ALG5: variants seen among roughly 807,000 people sequenced by gnomAD.
ALG5 encodes the protein ALG5 dolichyl-phosphate beta-glucosyltransferase.
ALG5 carries 26 observed loss-of-function variants against 51.8 expected under a neutral mutation model. That is an observed-to-expected ratio of 0.50 (90% CI 0.37 to 0.70). ALG5 has a LOEUF of 0.70. Ranked by LOEUF, ALG5 falls within the 30% of genes least tolerant of loss-of-function variation. The pLI is 0.00. For missense variants in ALG5, 311 were observed against 399.3 expected (o/e 0.78, Z 1.88); for synonymous variants, 141 against 136.1 (o/e 1.04, Z -0.25).
intron 6 of ALG5, among the ~76,000 whole-genome samples, chr13:36,976,604 C>T (rs575786094): frequency 4.6e-5 from 7 of 151,926 alleles, no homozygotes; most frequent in South Asian, 2.1e-4. Context: ...ATAAATTAGC[C>T]GGCTGTGGTT....
chr13:36,971,125 C>G (rs971432544), intron 7 of ALG5, among the ~76,000 whole-genome samples: 2 of 152,200 alleles, frequency 1.3e-5, no homozygotes, highest in Middle Eastern at 3.4e-3. Context: ...GAAATTGTTA[C>G]TCTAGTTTTT....
chr13:36,954,752 T>A (rs2138778817), intron 8 of ALG5, among the ~76,000 whole-genome samples: 1 of 152,256 alleles, frequency 6.6e-6, no homozygotes, highest in South Asian at 2.1e-4. Context: ...CTTTTCTTAC[T>A]CAGTTCCTGG....
At chr13:36,967,113 C>T (rs528624095) in intron 7 of ALG5, among the ~76,000 whole-genome samples, 2 of 151,498 alleles carry the variant, frequency 1.3e-5, no homozygotes, top group East Asian at 3.9e-4. Context: ...GTCCCAGCTA[C>T]TTAGGAGGCT....
chr13:36,979,446 T>A (rs1176090411), intron 6 of ALG5, among the ~76,000 whole-genome samples: 3 of 152,140 alleles, frequency 2.0e-5, no homozygotes, highest in Admixed American at 6.5e-5. Context: ...CTTGCTCACA[T>A]GGTCCACAAA....
At chr13:36,998,957 A>T in intron 1 of ALG5, 1 of 328,804 alleles carries the variant, frequency 3.0e-6, no homozygotes, top group Non-Finnish European at 5.5e-6. Context: ...GGGGCGATGG[A>T]AGCGGCGATG....
intron 5 of ALG5, among the ~76,000 whole-genome samples, chr13:36,987,798 T>G (rs1358679586): frequency 2.0e-5 from 3 of 152,220 alleles, no homozygotes; most frequent in Non-Finnish European, 2.9e-5. Context: ...CCCCTCATTT[T>G]CTTCTCTTCT....
chr13:36,994,793 C>G (rs1427488073), intron 3 of ALG5, among the ~76,000 whole-genome samples, 196 bp downstream of exon 3: 1 of 151,818 alleles, frequency 6.6e-6, no homozygotes, highest in Non-Finnish European at 1.5e-5. Context: ...CTGGTTTGTC[C>G]TGGGTCAACG....
intron 8 of ALG5, among the ~76,000 whole-genome samples, chr13:36,959,004 A>G (rs1283833890): frequency 5.9e-5 from 9 of 152,208 alleles, no homozygotes; most frequent in Non-Finnish European, 1.3e-4. Flanking sequence ...TAAAAAAAAA[A>G]AGAAATATTA....
chr13:36,956,360 A>C lies in ALG5; in HGVS notation c.774-3761T>G, dbSNP rs543477313. 2.6e-4 allele frequency among the ~76,000 whole-genome samples: 39 copies of C among 152,288 alleles called. 1 individual carries two copies. Among genetic ancestry groups the C allele is most frequent in the African/African-American group, 9.4e-4 (39 of 41,570 alleles). On this transcript the variant is annotated intron_variant, in intron 8 of 9. Coordinates refer to ENST00000239891, the MANE Select transcript of ALG5 (RefSeq NM_013338.5). ...TGGTGAGGAGGTGGAGAAGTGGGAA[A>C]CCTTGTACACTGTTGGTGAGAATGT...
intron 6 of ALG5, among the ~76,000 whole-genome samples, chr13:36,973,704 AT>A (rs2058936943): frequency 6.6e-6 from 1 of 152,224 alleles, no homozygotes; most frequent in Non-Finnish European, 1.5e-5. Context: ...CAAAAGGTTA[AT>A]TTCCAAAAAG....
intron 4 of ALG5, among the ~76,000 whole-genome samples, chr13:36,991,117 C>T (rs2059023513): frequency 6.6e-6 from 1 of 152,156 alleles, no homozygotes; most frequent in Non-Finnish European, 1.5e-5. Context: ...GAGGCTGCCC[C>T]ATTAGTACCG....
chr13:36,952,302 T>C (rs1397839759), intron 9 of ALG5, among the ~76,000 whole-genome samples: 1 of 152,216 alleles, frequency 6.6e-6, no homozygotes, highest in African/African-American at 2.4e-5. Context: ...GTAGGCCTAC[T>C]GAAGGCCCCA....
intron 6 of ALG5, 68 bp downstream of exon 6, chr13:36,985,559 C>A: frequency 7.7e-7 from 1 of 1,295,700 alleles, no homozygotes; most frequent in Non-Finnish European, 1.1e-6. Context: ...GTAAACTCTC[C>A]TTTAACTTTA....
chr13:36,982,438 T>C (rs2058984239), intron 6 of ALG5, among the ~76,000 whole-genome samples: 1 of 152,214 alleles, frequency 6.6e-6, no homozygotes, highest in Admixed American at 6.5e-5. Flanking sequence ...CAGCAAACTA[T>C]AGCCTGTAGC....
chr13:36,975,760 C>T (rs937191315), intron 6 of ALG5, among the ~76,000 whole-genome samples: 9 of 152,008 alleles, frequency 5.9e-5, no homozygotes, highest in Non-Finnish European at 1.3e-4. Flanking sequence ...AGGTTCTTTA[C>T]CTGTAATCCA....
chr13:36,954,226 C>A (rs996412789), intron 8 of ALG5, among the ~76,000 whole-genome samples: 6 of 151,504 alleles, frequency 4.0e-5, no homozygotes, highest in African/African-American at 1.5e-4. Context: ...CATCTGGGAG[C>A]ATAGGCCCAG....
chr13:36,988,217 C>A (rs2059010654), intron 5 of ALG5, among the ~76,000 whole-genome samples: 1 of 152,170 alleles, frequency 6.6e-6, no homozygotes, highest in South Asian at 2.1e-4. Context: ...CACTGTATGG[C>A]AATGGTCTGT....
At chr13:36,998,845 G>A (rs2059066385) in intron 1 of ALG5, 3 of 182,898 alleles carry the variant, frequency 1.6e-5, no homozygotes, top group African/African-American at 4.7e-5. Context: ...CTGGGGGCTC[G>A]AGACCTCCCT....
intron 8 of ALG5, among the ~76,000 whole-genome samples, chr13:36,955,623 C>T (rs751070188): frequency 4.6e-5 from 6 of 129,390 alleles, no homozygotes; most frequent in Admixed American, 9.4e-5. Flanking sequence ...GATAAAATTA[C>T]AGGACTAGTA....
Sources: gnomAD v4.1 joint callset for allele counts (sites outside exome capture counted in the v4.1 genomes callset) on GRCh38, gnomAD v4.1.1 for gene constraint, MANE v1.5 for transcripts, NCBI Gene and HGNC (gene_info 2026-07-23, HGNC 2026-07-21) for gene names.